The following ZNF519 variants were observed in gnomAD, a reference collection of about 807,000 sequenced individuals.
ZNF519 encodes zinc finger protein 519.
In ZNF519, 7 loss-of-function variants were observed where a neutral mutation model predicts 7.4. The ratio of observed to expected loss-of-function variants is 0.94; its 90% CI spans 0.54 to 1.77. ZNF519 has a LOEUF of 1.77. ZNF519 is among the 40% of genes most tolerant of loss of function. The pLI, the probability that ZNF519 is intolerant of heterozygous loss-of-function variation, is 0.00. For synonymous variants in ZNF519, 179 were observed against 203.3 expected (o/e 0.88, Z 1.02); for missense variants, 586 against 623.1 (o/e 0.94, Z 0.63).
chr18:14,132,350 G>A lies in ZNF519; in HGVS notation c.-73C>T. On this transcript the variant is annotated 5_prime_UTR_variant, in exon 1 of 3. Coordinates refer to ENST00000590202, the MANE Select transcript of ZNF519 (RefSeq NM_145287.4). Reference sequence around the variant, plus strand: ...TGCCAGCAGGTCACAGAGCGACGGAGTGAGTGGCAGAATCACCGAAGTCTC... The same window carrying A: ...TGCCAGCAGGTCACAGAGCGACGGAATGAGTGGCAGAATCACCGAAGTCTC... The A allele has an allele frequency of 1.9e-6, 3 of 1,576,138 alleles. No individual in the cohort carries two copies. Among genetic ancestry groups the A allele is most frequent in the East Asian group, 2.2e-5 (1 of 44,670 alleles).
At chr18:14,085,738 G>A (rs2046087984) in intron 2 of ZNF519, among the ~76,000 whole-genome samples, 1 of 152,116 alleles carries the variant, frequency 6.6e-6, no homozygotes, top group South Asian at 2.1e-4. Flanking sequence ...GGATCCCAGT[G>A]TTGGGCCCAG....
At chr18:14,130,451 A>G (rs1027583290) in intron 1 of ZNF519, among the ~76,000 whole-genome samples, 12 of 152,226 alleles carry the variant, frequency 7.9e-5, no homozygotes, top group South Asian at 2.1e-4. Context: ...TTTACAGTTA[A>G]TTAAAAAAAC....
rs1013382931 is a variant in ZNF519, at chr18:14,104,274, A to T, written c.*643T>A. The T allele has an allele frequency of 6.6e-6, 1 of 152,190 alleles. No homozygotes were observed. The highest frequency in any genetic ancestry group is 1.5e-5 in the Non-Finnish European group (1 of 68,012). The allele number at this position is 152,190 out of a possible 1,614,324, so 9.4% of individuals were successfully genotyped here. ...AAAACTCAGAGTGTTTCTGTCTCACACTTTAATGCAGAACAATAATATTCT... is the reference window on the plus strand; with the variant it reads ...AAAACTCAGAGTGTTTCTGTCTCACTCTTTAATGCAGAACAATAATATTCT... On this transcript the variant is annotated 3_prime_UTR_variant, in exon 3 of 3. Transcript: ENST00000590202.
chr18:14,091,777 G>T (rs1027270202), intron 2 of ZNF519, among the ~76,000 whole-genome samples: 2 of 152,092 alleles, frequency 1.3e-5, no homozygotes, highest in Non-Finnish European at 2.9e-5. Flanking sequence ...ATTGGTAGAA[G>T]AGGTCAGTAA....
At chr18:14,121,440 T>G (rs180680073) in intron 2 of ZNF519, among the ~76,000 whole-genome samples, 1 of 152,156 alleles carries the variant, frequency 6.6e-6, no homozygotes, top group South Asian at 2.1e-4. Flanking sequence ...TATCAAATCA[T>G]TACATTGTAC....
At chr18:14,122,587 A>C (rs1050725743) in intron 2 of ZNF519, 1 of 152,168 alleles carries the variant, frequency 6.6e-6, no homozygotes, top group Non-Finnish European at 1.5e-5. Flanking sequence ...TCTCACTGTA[A>C]ACTTGAAGGG....
chr18:14,073,401 G>C (rs1187788458), downstream of ZNF519: 1 of 152,268 alleles, frequency 6.6e-6, no homozygotes, highest in East Asian at 1.9e-4. Context: ...CTCTCAAGTA[G>C]CTGGGACTAC....
intron 2 of ZNF519, among the ~76,000 whole-genome samples, chr18:14,088,358 C>G (rs572231193): frequency 5.1e-4 from 77 of 152,224 alleles, no homozygotes; most frequent in Non-Finnish European, 9.9e-4. Flanking sequence ...AGTCAGTTCC[C>G]CTGATCAATA....
At chr18:14,118,137 C>A (rs2046254398) in intron 2 of ZNF519, among the ~76,000 whole-genome samples, 1 of 152,158 alleles carries the variant, frequency 6.6e-6, no homozygotes, top group African/African-American at 2.4e-5. Context: ...CGGCTCACTG[C>A]AAGCTCTGCC....
At chr18:14,111,516 A>T (rs866656437) in intron 2 of ZNF519, among the ~76,000 whole-genome samples, 1 of 128,784 alleles carries the variant, frequency 7.8e-6, no homozygotes, top group South Asian at 2.7e-4. Context: ...CAAAAAAAAG[A>T]AAAAAAAAAA....
chr18:14,090,215 G>A (rs1416581146), intron 2 of ZNF519: 1 of 152,232 alleles, frequency 6.6e-6, no homozygotes, highest in Non-Finnish European at 1.5e-5. Context: ...TACACAGATT[G>A]AGGATAAATA....
At chr18:14,088,796 CCTT>C (rs1242223397) in intron 2 of ZNF519, among the ~76,000 whole-genome samples, 2 of 152,214 alleles carry the variant, frequency 1.3e-5, no homozygotes, top group South Asian at 2.1e-4. Flanking sequence ...GTCACTGTCT[CCTT>C]ATTTGAAATT....
downstream of ZNF519, chr18:14,075,963 A>G (rs1221637957): frequency 6.6e-6 from 1 of 152,088 alleles, no homozygotes; most frequent in Non-Finnish European, 1.5e-5. Flanking sequence ...TACTATATTC[A>G]TATTTTACAT....
chr18:14,096,802 GA>G (rs773177884), downstream of ZNF519, among the ~76,000 whole-genome samples: 7 of 152,194 alleles, frequency 4.6e-5, no homozygotes. Context: ...TCCTATAGAT[GA>G]AAGAGGGAGA....
At position 14,117,164 on chromosome 18, in the gene ZNF519, AAGC is replaced by A. The variant is rs2046250027; in HGVS notation, c.130+7183_130+7185del. Among the ~76,000 whole-genome samples the A allele has an allele frequency of 2.0e-5, 3 of 152,324 alleles. No homozygotes were observed. In the South Asian group the frequency reaches 6.2e-4, roughly 32 times the overall value. On this transcript the variant is annotated intron_variant, in intron 2 of 2. Coordinates refer to ENST00000590202, the MANE Select transcript of ZNF519 (RefSeq NM_145287.4). ...CTGCACGCTAAACATTTAGTGAAGTAAGCAGAAGAAGAAAAAAAAATTGTATGT... is the reference window on the plus strand; with the variant it reads ...CTGCACGCTAAACATTTAGTGAAGTAAGAAGAAGAAAAAAAAATTGTATGT...
At chr18:14,091,517 G>C (rs2046114265) in intron 2 of ZNF519, among the ~76,000 whole-genome samples, 1 of 152,116 alleles carries the variant, frequency 6.6e-6, no homozygotes, top group African/African-American at 2.4e-5. Flanking sequence ...TACAAAGAGT[G>C]GGGGTACAGG....
intron 2 of ZNF519, among the ~76,000 whole-genome samples, chr18:14,117,127 T>C (rs1398150662): frequency 6.6e-6 from 1 of 152,084 alleles, no homozygotes; most frequent in African/African-American, 2.4e-5. Flanking sequence ...TGGGACTACA[T>C]TAAATTTATC....
At chr18:14,127,253 A>T (rs1276438293) in intron 1 of ZNF519, among the ~76,000 whole-genome samples, 1 of 152,188 alleles carries the variant, frequency 6.6e-6, no homozygotes, top group Non-Finnish European at 1.5e-5. Context: ...GGAAAACTCA[A>T]AGGGCTCCAC....
intron 1 of ZNF519, among the ~76,000 whole-genome samples, chr18:14,125,908 A>C (rs2046296914): frequency 6.6e-6 from 1 of 151,842 alleles, no homozygotes; most frequent in Non-Finnish European, 1.5e-5. Flanking sequence ...CTGGTCTTGC[A>C]CTCCTGACCT....
Sources: allele counts gnomAD v4.1 joint callset (sites outside exome capture counted in the v4.1 genomes callset), GRCh38; gene constraint gnomAD v4.1.1; transcripts MANE v1.5; gene names NCBI Gene and HGNC (gene_info 2026-07-23, HGNC 2026-07-21).